Variants in ESRRG observed in about 807,000 individuals in gnomAD.
ESRRG encodes the protein estrogen related receptor gamma.
ESRRG carries 13 observed loss-of-function variants against 44.0 expected under a neutral mutation model. The ratio of observed to expected loss-of-function variants is 0.30; its 90% CI spans 0.19 to 0.47. ESRRG has a LOEUF of 0.47. Ranked by LOEUF, ESRRG falls within the 20% of genes least tolerant of loss-of-function variation. The pLI is 1.00. For synonymous variants in ESRRG, 215 were observed against 214.6 expected, an observed-to-expected ratio of 1.00 and a Z score of -0.02; for missense variants, 395 against 580.6, an observed-to-expected ratio of 0.68 and a Z score of 3.29.
At chr1:216,719,802 A>G (rs1418841998) in intron 1 of ESRRG, among the ~76,000 whole-genome samples, 1 of 152,060 alleles carries the variant, frequency 6.6e-6, no homozygotes, top group Non-Finnish European at 1.5e-5. Context: ...TACCGCTGCA[A>G]CACACTAGGC....
chr1:216,948,559 A>G (rs1433838132), intron 1 of ESRRG, among the ~76,000 whole-genome samples: 2 of 151,560 alleles, frequency 1.3e-5, no homozygotes, highest in Non-Finnish European at 2.9e-5. Context: ...GCTAATGACT[A>G]TTAGCTAATA....
intron 1 of ESRRG, among the ~76,000 whole-genome samples, chr1:216,696,848 C>A (rs1393917081): frequency 1.3e-5 from 2 of 152,070 alleles, no homozygotes; most frequent in Non-Finnish European, 2.9e-5. Flanking sequence ...GTACTAATAC[C>A]TATCCTATCT....
At chr1:216,625,932 C>T (rs1242335273) in intron 3 of ESRRG, among the ~76,000 whole-genome samples, 1 of 152,102 alleles carries the variant, frequency 6.6e-6, no homozygotes, top group Non-Finnish European at 1.5e-5. Flanking sequence ...TCTCCGTATG[C>T]CTTTCTCTCT....
intron 3 of ESRRG, among the ~76,000 whole-genome samples, chr1:216,629,035 G>T (rs1210174569): frequency 6.6e-6 from 1 of 152,092 alleles, no homozygotes; most frequent in Non-Finnish European, 1.5e-5. Flanking sequence ...TCATTCTTCA[G>T]GTCTCACTTT....
chr1:216,590,279 T>G (rs1025150210), intron 3 of ESRRG, among the ~76,000 whole-genome samples: 8 of 152,266 alleles, frequency 5.3e-5, no homozygotes, highest in African/African-American at 1.9e-4. Flanking sequence ...AGCTACATAC[T>G]TCAAACAGTT....
rs139669926 is a variant in ESRRG at position 217,053,564 on chromosome 1, G to A, written c.-106+35943C>T. On this transcript the variant is annotated intron_variant, in intron 1 of 7. Coordinates refer to the ESRRG transcript ENST00000359162. ...ATGCTGTAGAAAAATTATGTCATTT[G>A]TGTTTTAGTCATTAGATGTCCATAG... 9.4e-3 allele frequency among the ~76,000 whole-genome samples: 1,424 copies of A among 152,202 alleles called. 19 individuals carry two copies. The highest frequency in any genetic ancestry group is 9.9e-3 in the Non-Finnish European group (673 of 68,002).
At chr1:216,762,734 A>AT (rs1307752640) in intron 2 of ESRRG, among the ~76,000 whole-genome samples, 3 of 151,908 alleles carry the variant, frequency 2.0e-5, no homozygotes, top group Non-Finnish European at 2.9e-5. Flanking sequence ...AAATAAATAA[A>AT]AAGAATGAGC....
At chr1:216,899,276 C>A (rs367961762) in intron 2 of ESRRG, among the ~76,000 whole-genome samples, 14 of 152,256 alleles carry the variant, frequency 9.2e-5, no homozygotes, top group Admixed American at 3.3e-4. Flanking sequence ...GGAATTTAGT[C>A]TTTGAATAAA....
At chr1:216,864,329 G>C (rs1472364475) in intron 2 of ESRRG, 2 of 72,128 alleles carry the variant, frequency 2.8e-5, no homozygotes, top group African/African-American at 1.1e-4. Context: ...AAATCAACAA[G>C]TCAGAAAAAA....
chr1:216,786,723 C>T (rs1270859034), intron 2 of ESRRG, among the ~76,000 whole-genome samples: 1 of 152,094 alleles, frequency 6.6e-6, no homozygotes, highest in Non-Finnish European at 1.5e-5. Context: ...TCATCAAATT[C>T]CAGTCTGATT....
At chr1:217,099,653 C>G (rs2092477899) in intron 1 of ESRRG, among the ~76,000 whole-genome samples, 2 of 152,164 alleles carry the variant, frequency 1.3e-5, no homozygotes, top group African/African-American at 4.8e-5. Context: ...TTCAGATTCT[C>G]CATCAGTGAA....
At chr1:216,810,848 A>T (rs2094948563) in intron 2 of ESRRG, among the ~76,000 whole-genome samples, 1 of 150,334 alleles carries the variant, frequency 6.7e-6, no homozygotes, top group Admixed American at 6.7e-5. Context: ...ATGTGTGTAT[A>T]TATGTACATA....
chr1:217,117,684 T>C (rs990711472), intron 1 of ESRRG, among the ~76,000 whole-genome samples: 1 of 152,162 alleles, frequency 6.6e-6, no homozygotes, highest in African/African-American at 2.4e-5. Context: ...AAATACTTGA[T>C]ATTATTATAT....
chr1:216,624,859 C>T (rs1448116861), intron 3 of ESRRG, among the ~76,000 whole-genome samples: 1 of 152,162 alleles, frequency 6.6e-6, no homozygotes, highest in Non-Finnish European at 1.5e-5. Flanking sequence ...AGAAAGTACT[C>T]TAAATATTAA....
intron 2 of ESRRG, among the ~76,000 whole-genome samples, chr1:216,780,983 T>C (rs1400757459): frequency 6.6e-6 from 1 of 152,052 alleles, no homozygotes; most frequent in East Asian, 1.9e-4. Context: ...TAAATTCAAC[T>C]AGTATAATTT....
At chr1:216,527,111 C>T (rs1178579790) in intron 5 of ESRRG, among the ~76,000 whole-genome samples, 2 of 152,080 alleles carry the variant, frequency 1.3e-5, no homozygotes, top group Non-Finnish European at 2.9e-5. Flanking sequence ...TTTTATAGCA[C>T]AGTAAAAGTG....
chr1:216,635,778 G>A (rs773765873), intron 3 of ESRRG, among the ~76,000 whole-genome samples: 4 of 152,180 alleles, frequency 2.6e-5, no homozygotes, highest in South Asian at 4.2e-4. Context: ...TGACCCCAGC[G>A]AGACATGGAC....
intron 5 of ESRRG, 130 bp from the exon 6 acceptor site, chr1:216,519,551 A>G: frequency 1.1e-6 from 1 of 878,624 alleles, no homozygotes; most frequent in Non-Finnish European, 1.7e-6. Context: ...GAAGCTCTTA[A>G]AATTTTCCCT....
intron 1 of ESRRG, among the ~76,000 whole-genome samples, chr1:216,702,095 G>A (rs536144509): frequency 1.3e-4 from 20 of 152,072 alleles, no homozygotes; most frequent in Admixed American, 5.2e-4. Context: ...AGTAGTTATC[G>A]CTAATTAATT....
Sources: gnomAD v4.1 joint callset for allele counts (sites outside exome capture counted in the v4.1 genomes callset) on GRCh38, gnomAD v4.1.1 for gene constraint, MANE v1.5 for transcripts, NCBI Gene and HGNC (gene_info 2026-07-23, HGNC 2026-07-21) for gene names.